The following ZSWIM5 variants were observed in gnomAD, a reference collection of about 807,000 sequenced individuals.
ZSWIM5 encodes the protein zinc finger SWIM domain-containing protein 5.
In ZSWIM5, 55 loss-of-function variants were observed where a neutral mutation model predicts 119.6. That is an observed-to-expected ratio of 0.46 (90% confidence interval 0.37 to 0.58). The LOEUF is 0.58. ZSWIM5 is among the 20% of genes least tolerant of loss of function. ZSWIM5 has a pLI of 0.00. For missense variants in ZSWIM5, 1,193 were observed against 1,512.8 expected (o/e 0.79, Z 3.51); for synonymous variants, 537 against 606.9 (o/e 0.88, Z 1.69).
At chr1:45,074,686 AT>A (rs950985847) in intron 2 of ZSWIM5, among the ~76,000 whole-genome samples, 6 of 150,850 alleles carry the variant, frequency 4.0e-5, no homozygotes, top group East Asian at 1.9e-4. Flanking sequence ...TGTTTTATTG[AT>A]TTTTTTTGTA....
chr1:45,167,325 A>G (rs1181606066), intron 1 of ZSWIM5, among the ~76,000 whole-genome samples: 1 of 151,810 alleles, frequency 6.6e-6, no homozygotes. Context: ...AACTAATTCA[A>G]GATGGATTAA....
chr1:45,102,197 A>G (rs1028527969), intron 1 of ZSWIM5, among the ~76,000 whole-genome samples: 2 of 152,178 alleles, frequency 1.3e-5, no homozygotes, highest in African/African-American at 2.4e-5. Flanking sequence ...TTCTTACAAT[A>G]TGATTTCTTT....
At chr1:45,099,222 C>T (rs1355276957) in intron 1 of ZSWIM5, among the ~76,000 whole-genome samples, 1 of 152,062 alleles carries the variant, frequency 6.6e-6, no homozygotes, top group African/African-American at 2.4e-5. Flanking sequence ...GGGATATTAC[C>T]ACCAATCCCA....
intron 1 of ZSWIM5, among the ~76,000 whole-genome samples, chr1:45,133,559 T>C (rs1041250751): frequency 6.6e-5 from 10 of 152,184 alleles, no homozygotes; most frequent in African/African-American, 2.4e-4. Context: ...ATTCTGTAGG[T>C]TGCCTGTTCA....
chr1:45,078,347 C>G (rs1479302783), intron 2 of ZSWIM5, among the ~76,000 whole-genome samples: 2 of 152,144 alleles, frequency 1.3e-5, no homozygotes, highest in Admixed American at 1.3e-4. Context: ...TTTGAAAGGA[C>G]TTGGGTATTG....
chr1:45,180,546 A>G (rs1191484119), intron 1 of ZSWIM5, among the ~76,000 whole-genome samples: 1 of 152,174 alleles, frequency 6.6e-6, no homozygotes, highest in Non-Finnish European at 1.5e-5. Flanking sequence ...CTGCAGACTT[A>G]AATGTCCCTG....
chr1:45,075,016 A>G (rs1022822868), intron 2 of ZSWIM5, among the ~76,000 whole-genome samples: 1 of 151,926 alleles, frequency 6.6e-6, no homozygotes, highest in African/African-American at 2.4e-5. Context: ...ATGTATTTGT[A>G]TAGTTTCCAA....
intron 1 of ZSWIM5, among the ~76,000 whole-genome samples, chr1:45,126,271 A>G (rs1296459288): frequency 6.6e-6 from 1 of 151,946 alleles, no homozygotes; most frequent in African/African-American, 2.4e-5. Context: ...AATAAATAAA[A>G]TTGATAAACC....
chr1:45,080,933 C>A (rs1236733946), intron 2 of ZSWIM5, among the ~76,000 whole-genome samples: 1 of 152,074 alleles, frequency 6.6e-6, no homozygotes, highest in African/African-American at 2.4e-5. Context: ...CATATAGGGA[C>A]TAATACAAGA....
Position 45,205,965 on chromosome 1 carries a change from G to T in ZSWIM5, c.386C>A (p.Ala129Asp). 7.4e-7 allele frequency: 1 copy of T among 1,354,884 alleles called. No individual in the cohort carries two copies. Among genetic ancestry groups the T allele is most frequent in the Non-Finnish European group, 9.5e-7 (1 of 1,052,522 alleles). 83.9% of individuals were successfully genotyped at this position (1,354,884 alleles called of 1,614,324 possible). Reference sequence around the variant, plus strand: ...CTCCTCGGCCGGCGAAGCCCCCGCGGCGCCGCCAGCAGCGCCGGCGCCGGG... The same window carrying T: ...CTCCTCGGCCGGCGAAGCCCCCGCGTCGCCGCCAGCAGCGCCGGCGCCGGG... ...GGPGAGAAGG[A>D]AGASPAEEGP... The change falls in exon 1 of 14, where the codon GCC (alanine) becomes GAC (aspartate). Residue 129 changes from alanine (A) to aspartate (D), a missense_variant. Physicochemically the swap from Ala to Asp is moderately radical, Grantham distance 126. Transcript: ENST00000359600.
chr1:45,141,122 T>C (rs1645724152), intron 1 of ZSWIM5, among the ~76,000 whole-genome samples: 1 of 152,326 alleles, frequency 6.6e-6, no homozygotes, highest in Admixed American at 6.5e-5. Context: ...CCTGTCGTGA[T>C]GGCAGTGAAA....
At chr1:45,092,517 G>C in intron 1 of ZSWIM5, among the ~76,000 whole-genome samples, 1 of 129,604 alleles carries the variant, frequency 7.7e-6, no homozygotes, top group African/African-American at 2.9e-5. Context: ...GGCTGGTCTT[G>C]AACTTGTGAC....
At chr1:45,120,386 T>C (rs1645584231) in intron 1 of ZSWIM5, among the ~76,000 whole-genome samples, 2 of 152,168 alleles carry the variant, frequency 1.3e-5, no homozygotes, top group African/African-American at 4.8e-5. Flanking sequence ...ACATTAATTA[T>C]AGCTATCAAC....
chr1:45,069,916 C>T, intron 2 of ZSWIM5: 2 of 568,654 alleles, frequency 3.5e-6, no homozygotes, highest in South Asian at 4.1e-5. Flanking sequence ...ACTGGTACAG[C>T]CTTTAAAACT....
chr1:45,048,434 A>C lies in ZSWIM5; in HGVS notation c.1432+2640T>G, dbSNP rs1645070254. 2.0e-5 allele frequency among the ~76,000 whole-genome samples: 3 copies of C among 152,290 alleles called. No homozygotes were observed. In the South Asian group the frequency reaches 6.2e-4, roughly 32 times the overall value. ...TTTAGAGTTTTTCCATCAGTGTATC[A>C]AAGACAAAGAGGGAGTTAAGTGTGT... On this transcript the variant is annotated intron_variant, in intron 5 of 13. Coordinates refer to ENST00000359600, the MANE Select transcript of ZSWIM5 (RefSeq NM_020883.2).
At chr1:45,126,373 A>G (rs1305572301) in intron 1 of ZSWIM5, among the ~76,000 whole-genome samples, 1 of 152,216 alleles carries the variant, frequency 6.6e-6, no homozygotes, top group African/African-American at 2.4e-5. Context: ...GCAGACTTCA[A>G]AAGAATAATA....
intron 10 of ZSWIM5, among the ~76,000 whole-genome samples, 171 bp downstream of exon 10, chr1:45,035,517 A>G (rs2148991514): frequency 6.6e-6 from 1 of 152,358 alleles, no homozygotes; most frequent in East Asian, 1.9e-4. Context: ...AGGAATCCAG[A>G]TATGAATCCT....
intron 2 of ZSWIM5, among the ~76,000 whole-genome samples, chr1:45,082,392 T>G (rs1314640445): frequency 6.6e-6 from 1 of 151,732 alleles, no homozygotes; most frequent in East Asian, 1.9e-4. Context: ...CAAACTTAAA[T>G]CTATCTTCCT....
At chr1:45,167,630 A>G (rs2149044165) in intron 1 of ZSWIM5, among the ~76,000 whole-genome samples, 1 of 152,296 alleles carries the variant, frequency 6.6e-6, no homozygotes, top group South Asian at 2.1e-4. Context: ...TTTACAAGAA[A>G]AAAAACAAAC....
Sources: gnomAD v4.1 joint callset for allele counts (sites outside exome capture counted in the v4.1 genomes callset) on GRCh38, gnomAD v4.1.1 for gene constraint, MANE v1.5 for transcripts, NCBI Gene and HGNC (gene_info 2026-07-23, HGNC 2026-07-21) for gene names.